CCSAP: variants seen among roughly 807,000 people sequenced by gnomAD.
The protein encoded by CCSAP is centriole, cilia and spindle-associated protein.
In CCSAP, 17 loss-of-function variants were observed where a neutral mutation model predicts 25.9. The ratio of observed to expected loss-of-function variants is 0.66; its 90% confidence interval spans 0.45 to 0.99. The LOEUF (loss-of-function observed/expected upper bound fraction) is 0.99. Among genes scored for constraint, CCSAP ranks in the 50% least tolerant of loss-of-function variants. The probability of loss-of-function intolerance (pLI) is 0.00; values close to 1 mark genes in which losing one functional copy is unlikely to be tolerated. For synonymous variants in CCSAP, 169 were observed against 157.1 expected (o/e 1.08, Z -0.57); for missense variants, 339 against 367.8 (o/e 0.92, Z 0.64).
Position 229,337,193 on chromosome 1 carries a change from C to G in CCSAP, c.367+4906G>C, listed in dbSNP as rs1476669850. On this transcript the variant is annotated intron_variant, in intron 2 of 3. Coordinates refer to ENST00000284617, the MANE Select transcript of CCSAP (RefSeq NM_145257.5). ...CCAAATGAATGAAAAAAGACACACA[C>G]AGGCACACCACAAAATTTCAGAACA... Among the ~76,000 whole-genome samples the G allele has an allele frequency of 2.6e-5, 4 of 152,202 alleles. No homozygotes were observed. In the South Asian group the frequency reaches 6.2e-4, roughly 24 times the overall value.
At chr1:229,337,665 A>G (rs1224387997) in intron 2 of CCSAP, among the ~76,000 whole-genome samples, 3 of 72,968 alleles carry the variant, frequency 4.1e-5, no homozygotes, top group Non-Finnish European at 6.0e-5. Flanking sequence ...ACAAGATCAA[A>G]GGCTCAAAAA....
At chr1:229,332,478 G>T (rs1302066125) in intron 2 of CCSAP, among the ~76,000 whole-genome samples, 1 of 152,190 alleles carries the variant, frequency 6.6e-6, no homozygotes, top group Non-Finnish European at 1.5e-5. Flanking sequence ...GAAAGAGTTT[G>T]AGAGTTTTTT....
chr1:229,327,579 G>A (rs754958734), intron 2 of CCSAP: 55 of 456,066 alleles, frequency 1.2e-4, no homozygotes, highest in South Asian at 8.4e-4. Context: ...AGTTAAAAAT[G>A]AGGGCCCCGG....
At chr1:229,335,653 C>A (rs559241247) in intron 2 of CCSAP, among the ~76,000 whole-genome samples, 89 of 152,332 alleles carry the variant, frequency 5.8e-4, no homozygotes, top group African/African-American at 1.6e-3. Flanking sequence ...TGTCTCCGGA[C>A]GCTGTCCTTA....
chr1:229,335,072 G>C (rs1658165876), intron 2 of CCSAP, among the ~76,000 whole-genome samples: 1 of 152,180 alleles, frequency 6.6e-6, no homozygotes, highest in Non-Finnish European at 1.5e-5. Flanking sequence ...CCAGCACTTT[G>C]GGAGGACAAG....
chr1:229,342,479 G>A lies in CCSAP; in HGVS notation c.-14C>T. The A allele has an allele frequency of 7.6e-7, 1 of 1,321,798 alleles. No individual in the cohort carries two copies. The highest frequency in any genetic ancestry group is 9.7e-7 in the Non-Finnish European group (1 of 1,033,538). The allele number at this position is 1,321,798 out of a possible 1,614,324, so 81.9% of individuals were successfully genotyped here. Reference sequence around the variant, plus strand: ...CCCCGGGGACATGGTGCCGTCCGCCGCCTCGAGCGCCAGCCGCTCCTCGCT... The same window carrying A: ...CCCCGGGGACATGGTGCCGTCCGCCACCTCGAGCGCCAGCCGCTCCTCGCT... On this transcript the variant is annotated 5_prime_UTR_variant, in exon 2 of 4. Transcript: ENST00000284617. This position sits in a 1 kb window ranked among gnomAD's most constrained non-coding sequence, Gnocchi z 7.5.
chr1:229,329,164 G>A (rs975140559), intron 2 of CCSAP, among the ~76,000 whole-genome samples: 6 of 152,206 alleles, frequency 3.9e-5, no homozygotes, highest in Admixed American at 1.3e-4. Context: ...CTGAGAGAGA[G>A]AAAAAAGCAG....
rs989521737 is a variant in CCSAP at position 229,321,834 on chromosome 1, C to G, written c.*3401G>C. 2.6e-5 allele frequency: 4 copies of G among 152,154 alleles called. No individual in the cohort carries two copies. The highest frequency in any genetic ancestry group is 9.7e-5 in the African/African-American group (4 of 41,440). 9.4% of individuals were successfully genotyped at this position (152,154 alleles called of 1,614,324 possible). A position where few individuals can be genotyped will look rare whatever the true frequency, so the allele number is the denominator to read the frequency against. On this transcript the variant is annotated 3_prime_UTR_variant, in exon 4 of 4. Coordinates refer to ENST00000284617, the MANE Select transcript of CCSAP (RefSeq NM_145257.5). Reference sequence around the variant, plus strand: ...CTGCATCCATGGATTCAACCAAATACAAATTGAAAATATTTGGGGGCAAAA... The same window carrying G: ...CTGCATCCATGGATTCAACCAAATAGAAATTGAAAATATTTGGGGGCAAAA...
intron 2 of CCSAP, chr1:229,340,263 ATGCTGCGATTGAG>A: frequency 1.6e-6 from 1 of 624,484 alleles, no homozygotes; most frequent in Admixed American, 2.8e-5. Context: ...AAAACAAAAG[ATGCTGCGATTGAG>A]TCCTGAAAGC....
chr1:229,337,677 A>AT (rs1361508734), intron 2 of CCSAP, among the ~76,000 whole-genome samples: 12 of 66,948 alleles, frequency 1.8e-4, no homozygotes, highest in South Asian at 7.7e-4. Context: ...GCTCAAAAAA[A>AT]AATATATATA....
chr1:229,342,666 G>C lies in CCSAP; in HGVS notation c.-48-153C>G, dbSNP rs1658370733. ...GGCGGGGCGGGGGCGGCCTCACCCG[G>C]CGGCCGGGACCAAGAGCAGAGGCGG... On this transcript the variant is annotated intron_variant, in intron 1 of 3. Transcript: ENST00000284617. The surrounding 1 kb of genome is among the most constrained non-coding windows in gnomAD (Gnocchi z 7.5). 1 of 371,326 alleles carries C rather than the reference G, an allele frequency of 2.7e-6. No individual in the cohort carries two copies. 23.0% of individuals were successfully genotyped at this position (371,326 alleles called of 1,614,324 possible). A position where few individuals can be genotyped will look rare whatever the true frequency, so the allele number is the denominator to read the frequency against.
chr1:229,340,479 C>T (rs1411227561), intron 2 of CCSAP: 12 of 712,716 alleles, frequency 1.7e-5, no homozygotes, highest in African/African-American at 3.5e-5. Flanking sequence ...AAATATTTGA[C>T]AACTCCATCA....
intron 2 of CCSAP, among the ~76,000 whole-genome samples, chr1:229,334,912 A>T (rs1658162686): frequency 6.6e-6 from 1 of 152,188 alleles, no homozygotes; most frequent in South Asian, 2.1e-4. Flanking sequence ...TAAAATTTGG[A>T]GGAAAAGAAA....
rs1657861922 is a variant in CCSAP at position 229,322,989 on chromosome 1, A to G, written c.*2246T>C. ...TGATTACAACCACATTCATTTCTAGAATGAAAAGAAAGAATTAGGACCATC... is the reference window on the plus strand; with the variant it reads ...TGATTACAACCACATTCATTTCTAGGATGAAAAGAAAGAATTAGGACCATC... On this transcript the variant is annotated 3_prime_UTR_variant, in exon 4 of 4. Transcript: ENST00000284617. 1 of 152,176 alleles carries G rather than the reference A, an allele frequency of 6.6e-6. No homozygotes were observed. Among genetic ancestry groups the G allele is most frequent in the East Asian group, 1.9e-4 (1 of 5,188 alleles). 9.4% of individuals were successfully genotyped at this position (152,176 alleles called of 1,614,324 possible). A position where few individuals can be genotyped will look rare whatever the true frequency, so the allele number is the denominator to read the frequency against.
intron 2 of CCSAP, among the ~76,000 whole-genome samples, chr1:229,328,898 A>G (rs1658006005): frequency 1.3e-5 from 2 of 152,214 alleles, no homozygotes; most frequent in South Asian, 4.1e-4. Flanking sequence ...TCCGGGTGTC[A>G]TGTTCTGCAT....
In CCSAP at chr1:229,323,188, CATTT is replaced by C. The variant is rs914232537; in HGVS notation, c.*2043_*2046del. ...TTAAAAGCACTTTAAAAATCCCGTT[CATTT>C]GTCTTCCACTTAAAAAGAGGAAAAA... On this transcript the variant is annotated 3_prime_UTR_variant, in exon 4 of 4. Coordinates refer to ENST00000284617, the MANE Select transcript of CCSAP (RefSeq NM_145257.5). 1.3e-5 allele frequency: 2 copies of C among 152,126 alleles called. No homozygotes were observed. Among genetic ancestry groups the C allele is most frequent in the African/African-American group, 4.8e-5 (2 of 41,388 alleles). 9.4% of individuals were successfully genotyped at this position (152,126 alleles called of 1,614,324 possible).
At chr1:229,325,631 A>T (rs1475277133) in intron 3 of CCSAP, among the ~76,000 whole-genome samples, 1 of 152,272 alleles carries the variant, frequency 6.6e-6, no homozygotes, top group East Asian at 1.9e-4. Context: ...AATGAAACTA[A>T]GCAACAGCAA....
rs1658357720 is a variant in CCSAP at position 229,342,319 on chromosome 1, C to T, written c.147G>A (p.Trp49Ter). ...LLEQAHAPWLWDDWGPAGSSE... is the reference protein window; with the variant it reads ...LLEQAHAPWL ...AGGAGCCGGCCGGGCCCCAGTCGTC[C>T]CAGAGCCAGGGCGCGTGCGCCTGCT... Residue 49 changes from tryptophan to a stop codon, truncating the protein, a stop_gained, in exon 2 of 4, where the codon TGG becomes TGA. Coordinates refer to ENST00000284617, the MANE Select transcript of CCSAP (RefSeq NM_145257.5). LOFTEE classifies it high-confidence loss of function. The surrounding 1 kb of genome is among the most constrained non-coding windows in gnomAD (Gnocchi z 7.5). The T allele has an allele frequency of 2.0e-6, 3 of 1,488,382 alleles. No individual in the cohort carries two copies. Among genetic ancestry groups the T allele is most frequent in the Non-Finnish European group, 2.7e-6 (3 of 1,121,652 alleles). 92.2% of individuals were successfully genotyped at this position (1,488,382 alleles called of 1,614,324 possible).
chr1:229,328,107 CCT>C (rs1392008319), intron 2 of CCSAP, among the ~76,000 whole-genome samples: 1 of 152,138 alleles, frequency 6.6e-6, no homozygotes, highest in Non-Finnish European at 1.5e-5. Flanking sequence ...ATTTTGTAAG[CCT>C]TTCTTTTTAT....
Sources: allele counts gnomAD v4.1 joint callset (sites outside exome capture counted in the v4.1 genomes callset), GRCh38; gene constraint gnomAD v4.1.1; non-coding constraint Gnocchi (gnomAD v3.1); transcripts MANE v1.5; gene names NCBI Gene and HGNC (gene_info 2026-07-23, HGNC 2026-07-21).